TRPV2: variants seen among roughly 807,000 people sequenced by gnomAD.
TRPV2 encodes the protein transient receptor potential cation channel subfamily V member 2, also known as OTRPC2.
Under a neutral mutation model 91.0 loss-of-function variants are expected in TRPV2, and 58 were observed. That is an observed-to-expected ratio of 0.64 (90% CI 0.52 to 0.79). The LOEUF (loss-of-function observed/expected upper bound fraction) is 0.79. Ranked by LOEUF, TRPV2 falls within the 30% of genes least tolerant of loss-of-function variation. The probability of loss-of-function intolerance (pLI) is 0.00; values close to 1 mark genes in which losing one functional copy is unlikely to be tolerated. For missense variants in TRPV2, 807 were observed against 969.6 expected (o/e 0.83, Z 2.23); for synonymous variants, 417 against 414.8 (o/e 1.01, Z -0.06).
Position 16,426,470 on chromosome 17 carries a change from G to A in TRPV2, c.1095+201G>A, listed in dbSNP as rs900596553. Among the ~76,000 whole-genome samples the A allele has an allele frequency of 1.3e-5, 2 of 152,196 alleles. No individual in the cohort carries two copies. Among genetic ancestry groups the A allele is most frequent in the African/African-American group, 2.4e-5 (1 of 41,456 alleles). On this transcript the variant is annotated intron_variant, in intron 6 of 14. Coordinates refer to ENST00000338560, the MANE Select transcript of TRPV2 (RefSeq NM_016113.5). This position sits in a 1 kb window ranked among gnomAD's most constrained non-coding sequence, Gnocchi z 6.0. Reference sequence around the variant, plus strand: ...ATACTCTAGTCCCATCCAAGACGGGGATCATGCCAAGGGCCTCGTGGCAAC... The same window carrying A: ...ATACTCTAGTCCCATCCAAGACGGGAATCATGCCAAGGGCCTCGTGGCAAC...
At chr17:16,436,016 C>T (rs1202103605) in intron 14 of TRPV2, among the ~76,000 whole-genome samples, 1 of 152,162 alleles carries the variant, frequency 6.6e-6, no homozygotes, top group South Asian at 2.1e-4. Flanking sequence ...AGCCTCGGGG[C>T]TGCCCCAGCA....
chr17:16,421,539 C>T (rs1173720748), intron 3 of TRPV2, among the ~76,000 whole-genome samples: 2 of 134,146 alleles, frequency 1.5e-5, no homozygotes, highest in Non-Finnish European at 3.1e-5. Flanking sequence ...TTTTTTTTTC[C>T]GAGACGGAGT....
chr17:16,434,932 T>C lies in TRPV2; in HGVS notation c.2157T>C (p.Pro719=), dbSNP rs2093429070. The C allele has an allele frequency of 6.2e-7, 1 of 1,612,006 alleles. No homozygotes were observed. The highest frequency in any genetic ancestry group is 8.5e-7 in the Non-Finnish European group (1 of 1,179,144). Residue 719 remains proline, a synonymous_variant, in exon 14 of 15, where the codon CCT becomes CCC. Transcript: ENST00000338560. ...VNWASWEQTL[P]TLCEDPSGAG... is the part of the protein sequence containing the mutation. ...GGGCTTCATGGGAGCAGACGCTGCC[T>C]ACGCTGTGTGAGGACCCGTCAGGGG...
chr17:16,421,499 G>C (rs970646657), intron 3 of TRPV2, among the ~76,000 whole-genome samples: 1 of 149,306 alleles, frequency 6.7e-6, no homozygotes, highest in African/African-American at 2.5e-5. Context: ...GATTACAGGC[G>C]TGAGCCACCG....
Position 16,435,076 on chromosome 17 carries a change from C to T in TRPV2, c.2194+107C>T. The T allele has an allele frequency of 2.4e-6, 2 of 827,504 alleles. No homozygotes were observed. Among genetic ancestry groups the T allele is most frequent in the Non-Finnish European group, 3.6e-6 (2 of 550,488 alleles). 51.3% of individuals were successfully genotyped at this position (827,504 alleles called of 1,614,324 possible). ...CAGGACCCAGAGACCTCCTCATAGTCCCTTTGCAGATCCCCACATGCCAGC... is the reference window on the plus strand; with the variant it reads ...CAGGACCCAGAGACCTCCTCATAGTTCCTTTGCAGATCCCCACATGCCAGC... On this transcript the variant is annotated intron_variant, in intron 14 of 14. Transcript: ENST00000338560. This position sits in a 1 kb window ranked among gnomAD's most constrained non-coding sequence, Gnocchi z 4.2.
At chr17:16,428,224 C>G (rs1028988352) in intron 8 of TRPV2, 93 bp from the exon 9 acceptor site, 6 of 1,194,078 alleles carry the variant, frequency 5.0e-6, no homozygotes, top group Non-Finnish European at 3.7e-6. Context: ...TGACTTAGCT[C>G]TAGCCTGGGT....
Position 16,433,763 on chromosome 17 carries a change from C to T in TRPV2, c.2114+65C>T. ...TCCAGCAATCCCTGGGGCCCCCCTG[C>T]AGTGCAGGGCACAGCTGCCAGGAGC... On this transcript the variant is annotated intron_variant, in intron 13 of 14. Transcript: ENST00000338560. 6 of 1,583,612 alleles carry T rather than the reference C, an allele frequency of 3.8e-6. No homozygotes were observed. In the South Asian group the frequency reaches 4.6e-5, roughly 12 times the overall value.
At chr17:16,427,836 G>T (rs920576486) in intron 8 of TRPV2, among the ~76,000 whole-genome samples, 1 of 152,174 alleles carries the variant, frequency 6.6e-6, no homozygotes, top group African/African-American at 2.4e-5. Flanking sequence ...CCCTAGCCAG[G>T]CCCCTCGGCT....
At chr17:16,418,356 T>G (rs1459331557) in intron 2 of TRPV2, among the ~76,000 whole-genome samples, 1 of 152,104 alleles carries the variant, frequency 6.6e-6, no homozygotes, top group Admixed American at 6.5e-5. Context: ...TGCACTTTGA[T>G]TTTCCTGTGG....
intron 10 of TRPV2, among the ~76,000 whole-genome samples, chr17:16,431,291 A>ATATATATT (rs1333090555): frequency 4.5e-5 from 3 of 67,390 alleles, no homozygotes; most frequent in African/African-American, 6.4e-5. Flanking sequence ...ATATATACAT[A>ATATATATT]TTTTTTTTTT....
chr17:16,423,860 AGCAGTGGCTTCTCT>A, intron 5 of TRPV2, 93 bp downstream of exon 5: 1 of 1,293,608 alleles, frequency 7.7e-7, no homozygotes. Context: ...GGTGGTGAAG[AGCAGTGGCTTCTCT>A]GCTTTTCAAT....
chr17:16,432,364 G>C, intron 12 of TRPV2, 64 bp downstream of exon 12: 1 of 1,471,738 alleles, frequency 6.8e-7, no homozygotes, highest in Non-Finnish European at 9.2e-7. Flanking sequence ...GAGTGCTCCG[G>C]ACCCTGCGGA....
chr17:16,427,626 TC>T, intron 8 of TRPV2, 79 bp downstream of exon 8: 1 of 1,359,444 alleles, frequency 7.4e-7, no homozygotes, highest in Non-Finnish European at 1.0e-6. Context: ...GTTAGCTGCA[TC>T]CCCTCACTGA....
At chr17:16,419,712 G>T (rs567155600) in intron 2 of TRPV2, among the ~76,000 whole-genome samples, 1 of 152,364 alleles carries the variant, frequency 6.6e-6, no homozygotes, top group East Asian at 1.9e-4. Context: ...CTGTGAGTCT[G>T]CGGGGACCTC....
At chr17:16,428,685 G>A in intron 9 of TRPV2, 132 bp from the exon 10 acceptor site, 1 of 978,250 alleles carries the variant, frequency 1.0e-6, no homozygotes, top group Non-Finnish European at 1.5e-6. Flanking sequence ...TTTTACAGTG[G>A]GAGGGAACTG....
At position 16,431,291 on chromosome 17, in the gene TRPV2, A is replaced by ATTTT. The variant is rs1167449708; in HGVS notation, c.1588-476_1588-473dup. Among the ~76,000 whole-genome samples, 37 of 67,378 alleles carry ATTTT rather than the reference A, an allele frequency of 5.5e-4. 5 individuals carry two copies. The East Asian group carries it at 0.011, about 21-fold the overall frequency. 44.2% of individuals were successfully genotyped at this position (67,378 alleles called of 152,430 possible). On this transcript the variant is annotated intron_variant, in intron 10 of 14. Coordinates refer to ENST00000338560, the MANE Select transcript of TRPV2 (RefSeq NM_016113.5). ...TATATATATATATATATATATACAT[A>ATTTT]TTTTTTTTTTTTTTTTTTTTGAGAC...
chr17:16,417,742 C>T lies in TRPV2; in HGVS notation c.74C>T (p.Ala25Val), dbSNP rs771475328. The T allele has an allele frequency of 5.6e-6, 9 of 1,614,186 alleles. No homozygotes were observed. Among genetic ancestry groups the T allele is most frequent in the African/African-American group, 1.3e-5 (1 of 75,052 alleles). ...GGAGGCCAAGAAGATGGCTCTGAGG[C>T]GGACAGAGGAAAGCTGGATTTTGGG... ...LDGGQEDGSE[A>V]DRGKLDFGSG... Residue 25 changes from alanine (A) to valine (V), a missense_variant, in exon 2 of 15, where the codon GCG (alanine) becomes GTG (valine). Ala to Val is a moderately conservative substitution (Grantham distance 64). Coordinates refer to ENST00000338560, the MANE Select transcript of TRPV2 (RefSeq NM_016113.5).
chr17:16,419,967 G>A (rs1218232512), intron 2 of TRPV2, 148 bp from the exon 3 acceptor site: 1 of 1,159,726 alleles, frequency 8.6e-7, no homozygotes, highest in Non-Finnish European at 1.2e-6. Flanking sequence ...GGAGGATAGA[G>A]GCCCTCAGAA....
At position 16,434,953 on chromosome 17, in the gene TRPV2, AG is replaced by A. The variant is rs773313586; in HGVS notation, c.2182del (p.Ala728GlnfsTer?). The part of the protein sequence containing the change: ...TLPTLCEDPS[G>X]AGVPRTLENP... ...TGCCTACGCTGTGTGAGGACCCGTC[AG>A]GGGCAGGTGTCCCTCGTGAGTAGCC... On this transcript the variant is annotated frameshift_variant, in exon 14 of 15. Transcript: ENST00000338560. LOFTEE classifies it high-confidence loss of function. 2 of 1,610,716 alleles carry A rather than the reference AG, an allele frequency of 1.2e-6. No individual in the cohort carries two copies. The highest frequency in any genetic ancestry group is 2.2e-5 in the South Asian group (2 of 90,488).
Sources: allele counts gnomAD v4.1 joint callset (sites outside exome capture counted in the v4.1 genomes callset), GRCh38; gene constraint gnomAD v4.1.1; non-coding constraint Gnocchi (gnomAD v3.1); transcripts MANE v1.5; gene names NCBI Gene and HGNC (gene_info 2026-07-23, HGNC 2026-07-21).